Variants in TAF4B observed in about 807,000 individuals in gnomAD.
TAF4B encodes transcription initiation factor TFIID subunit 4B.
Under a neutral mutation model 86.4 loss-of-function variants are expected in TAF4B, and 38 were observed. The ratio of observed to expected loss-of-function variants is 0.44; its 90% CI spans 0.34 to 0.58. The LOEUF (loss-of-function observed/expected upper bound fraction) is 0.58. Among genes scored for constraint, TAF4B ranks in the 20% least tolerant of loss-of-function variants. The pLI, the probability that TAF4B is intolerant of heterozygous loss-of-function variation, is 0.02. For synonymous variants in TAF4B, 388 were observed against 391.2 expected, an observed-to-expected ratio of 0.99 and a Z score of 0.10; for missense variants, 988 against 1,027.6, an observed-to-expected ratio of 0.96 and a Z score of 0.53.
In TAF4B at chr18:26,390,083, C is replaced by T. The variant is rs1277040809; in HGVS notation, c.*71C>T. 2.8e-6 allele frequency: 4 copies of T among 1,446,568 alleles called. No homozygotes were observed. Among genetic ancestry groups the T allele is most frequent in the Admixed American group, 4.6e-5 (2 of 43,208 alleles). 89.6% of individuals were successfully genotyped at this position (1,446,568 alleles called of 1,614,324 possible). ...AGACACAAAGCATTGTTGCACTGTCCTGAAATTTCAATTTCTGGAAAATAA... is the reference window on the plus strand; with the variant it reads ...AGACACAAAGCATTGTTGCACTGTCTTGAAATTTCAATTTCTGGAAAATAA... On this transcript the variant is annotated 3_prime_UTR_variant, in exon 15 of 15. Coordinates refer to ENST00000269142, the MANE Select transcript of TAF4B (RefSeq NM_005640.3).
intron 1 of TAF4B, among the ~76,000 whole-genome samples, chr18:26,247,152 ACCATGCCTGT>A (rs2055938809): frequency 6.6e-6 from 1 of 152,254 alleles, no homozygotes; most frequent in Non-Finnish European, 1.5e-5. Context: ...GGCGTGAGCC[ACCATGCCTGT>A]CCTAATCTCA....
intron 14 of TAF4B, among the ~76,000 whole-genome samples, chr18:26,386,202 CTG>C (rs1978356743): frequency 6.6e-6 from 1 of 152,026 alleles, no homozygotes; most frequent in African/African-American, 2.4e-5. Context: ...CTTTTCAACT[CTG>C]TGCTGGCAGC....
intron 1 of TAF4B, among the ~76,000 whole-genome samples, chr18:26,245,577 G>C (rs549108464): frequency 1.3e-5 from 2 of 152,196 alleles, no homozygotes; most frequent in East Asian, 3.9e-4. Context: ...CCTGCTGATT[G>C]GTGCATTTTA....
intron 11 of TAF4B, among the ~76,000 whole-genome samples, chr18:26,323,383 C>A (rs1038437050): frequency 6.6e-6 from 1 of 152,098 alleles, no homozygotes; most frequent in African/African-American, 2.4e-5. Flanking sequence ...ACTCTGTCAT[C>A]CAGGCTGGAG....
intron 9 of TAF4B, among the ~76,000 whole-genome samples, chr18:26,310,579 T>C (rs2056844064): frequency 6.6e-6 from 1 of 152,188 alleles, no homozygotes; most frequent in South Asian, 2.1e-4. Context: ...GGCAAACTAA[T>C]TTTATTACAG....
At chr18:26,273,571 T>A (rs1364084577) in intron 3 of TAF4B, among the ~76,000 whole-genome samples, 2 of 152,192 alleles carry the variant, frequency 1.3e-5, no homozygotes, top group African/African-American at 4.8e-5. Flanking sequence ...AAAGAAAATT[T>A]TTTTCTAGAG....
At chr18:26,360,082 T>A (rs1567921514) in intron 14 of TAF4B, among the ~76,000 whole-genome samples, 1 of 152,152 alleles carries the variant, frequency 6.6e-6, no homozygotes, top group African/African-American at 2.4e-5. Context: ...TAGGTTAAAA[T>A]TTTCATCCCT....
intron 14 of TAF4B, among the ~76,000 whole-genome samples, chr18:26,374,904 G>A (rs2057432507): frequency 6.6e-6 from 1 of 152,146 alleles, no homozygotes; most frequent in South Asian, 2.1e-4. Flanking sequence ...TATCAGGTGT[G>A]TGCCAACTTT....
intron 13 of TAF4B, among the ~76,000 whole-genome samples, chr18:26,355,056 A>C (rs1313005238): frequency 2.0e-5 from 3 of 151,974 alleles, no homozygotes; most frequent in Admixed American, 2.0e-4. Context: ...TTATTTTTTT[A>C]TTTCTTTCAT....
At chr18:26,252,266 G>T (rs1323702330) in intron 1 of TAF4B, among the ~76,000 whole-genome samples, 1 of 151,958 alleles carries the variant, frequency 6.6e-6, no homozygotes, top group Non-Finnish European at 1.5e-5. Context: ...ATTCTTTTTG[G>T]TGCTATTGTG....
intron 13 of TAF4B, among the ~76,000 whole-genome samples, chr18:26,343,830 C>T (rs1477781943): frequency 6.6e-6 from 1 of 152,074 alleles, no homozygotes; most frequent in African/African-American, 2.4e-5. Context: ...GGAATCAATC[C>T]CCCATGTATA....
At chr18:26,241,513 T>C (rs2055838429) in intron 1 of TAF4B, among the ~76,000 whole-genome samples, 1 of 152,228 alleles carries the variant, frequency 6.6e-6, no homozygotes, top group African/African-American at 2.4e-5. Flanking sequence ...CTATTAATTT[T>C]GTTGATCTTT....
intron 13 of TAF4B, among the ~76,000 whole-genome samples, chr18:26,347,787 A>G (rs1175626204): frequency 6.6e-6 from 1 of 152,228 alleles, no homozygotes; most frequent in Non-Finnish European, 1.5e-5. Context: ...TACTTACATA[A>G]GACAAAACAG....
rs543780780 is a variant in TAF4B, at chr18:26,271,926, CAAAAA to C, written c.598-2724_598-2720del. 5.6e-3 allele frequency among the ~76,000 whole-genome samples: 364 copies of C among 65,554 alleles called. 2 individuals carry two copies. The highest frequency in any genetic ancestry group is 9.4e-3 in the Non-Finnish European group (290 of 30,970). 43.0% of individuals were successfully genotyped at this position (65,554 alleles called of 152,430 possible). A position where few individuals can be genotyped will look rare whatever the true frequency, so the allele number is the denominator to read the frequency against. On this transcript the variant is annotated intron_variant, in intron 3 of 14. Coordinates refer to ENST00000269142, the MANE Select transcript of TAF4B (RefSeq NM_005640.3). ...TGGTGGACAGAGCCAGACTCCGTCT[CAAAAA>C]AAAAAAAAAAAAGACACTTTTAAGG...
intron 1 of TAF4B, among the ~76,000 whole-genome samples, chr18:26,245,954 T>G (rs1368990569): frequency 6.6e-6 from 1 of 152,232 alleles, no homozygotes; most frequent in Admixed American, 6.5e-5. Flanking sequence ...CATCTTTGCA[T>G]GTGTATTTTT....
chr18:26,310,149 G>T (rs2056838851), intron 9 of TAF4B, among the ~76,000 whole-genome samples: 1 of 152,160 alleles, frequency 6.6e-6, no homozygotes. Flanking sequence ...TCAGAACAGG[G>T]ACTGAAACCT....
intron 5 of TAF4B, 125 bp downstream of exon 5, chr18:26,275,178 C>CTCTGTCTCAAA: frequency 2.7e-6 from 3 of 1,115,570 alleles, no homozygotes; most frequent in Non-Finnish European, 3.5e-6. Flanking sequence ...TGTTTTGAGA[C>CTCTGTCTCAAA]AGAGTCTCGC....
intron 1 of TAF4B, among the ~76,000 whole-genome samples, chr18:26,231,941 C>T (rs2055677439): frequency 6.6e-6 from 1 of 152,120 alleles, no homozygotes; most frequent in Non-Finnish European, 1.5e-5. Flanking sequence ...TATCCGAGTG[C>T]ACTTTTTTCA....
intron 14 of TAF4B, among the ~76,000 whole-genome samples, chr18:26,379,287 G>A (rs1438737843): frequency 6.6e-6 from 1 of 151,976 alleles, no homozygotes; most frequent in Non-Finnish European, 1.5e-5. Context: ...TGTACCCCAT[G>A]TTGTGAAGAT....
Sources: allele counts gnomAD v4.1 joint callset (sites outside exome capture counted in the v4.1 genomes callset), GRCh38; gene constraint gnomAD v4.1.1; transcripts MANE v1.5; gene names NCBI Gene and HGNC (gene_info 2026-07-23, HGNC 2026-07-21).